The following AGAP1 variants were observed in gnomAD, a reference collection of about 807,000 sequenced individuals.
AGAP1 encodes the protein ArfGAP with GTPase domain, ankyrin repeat and PH domain 1.
AGAP1 carries 29 observed loss-of-function variants against 105.3 expected under a neutral mutation model. The ratio of observed to expected loss-of-function variants is 0.28; its 90% confidence interval spans 0.21 to 0.38. AGAP1 has a LOEUF of 0.38. AGAP1 is among the 10% of genes least tolerant of loss of function. AGAP1 has a pLI of 1.00. For missense variants in AGAP1, 998 were observed against 1,165.1 expected, an observed-to-expected ratio of 0.86 and a Z score of 2.09; for synonymous variants, 509 against 485.9, an observed-to-expected ratio of 1.05 and a Z score of -0.63.
chr2:235,548,886 G>A (rs1231100737), intron 1 of AGAP1, among the ~76,000 whole-genome samples: 2 of 152,184 alleles, frequency 1.3e-5, no homozygotes, highest in Non-Finnish European at 2.9e-5. Flanking sequence ...AACATAAAGG[G>A]TTATTGGAAC....
At chr2:235,886,383 G>C (rs866253488) in intron 10 of AGAP1, among the ~76,000 whole-genome samples, 3 of 152,362 alleles carry the variant, frequency 2.0e-5, no homozygotes, top group Admixed American at 6.5e-5. Context: ...TTCTTGCCAA[G>C]GGGCAGATAT....
Position 235,967,133 on chromosome 2 carries a change from C to T in AGAP1, c.1484-1329C>T, listed in dbSNP as rs1559704792. On this transcript the variant is annotated intron_variant, in intron 12 of 17. Transcript: ENST00000304032. The surrounding 1 kb of genome is among the most constrained non-coding windows in gnomAD (Gnocchi z 4.7). ...CCAGTGCCACCTTCCGCAGGCCTCT[C>T]CCACCCACACCGGCCACCGCCACTC... Among the ~76,000 whole-genome samples the T allele has an allele frequency of 1.3e-5, 2 of 152,102 alleles. No individual in the cohort carries two copies. Among genetic ancestry groups the T allele is most frequent in the Admixed American group, 1.3e-4 (2 of 15,272 alleles).
At chr2:235,624,642 G>T (rs1170722609) in intron 1 of AGAP1, among the ~76,000 whole-genome samples, 1 of 152,136 alleles carries the variant, frequency 6.6e-6, no homozygotes, top group Non-Finnish European at 1.5e-5. Flanking sequence ...GAGGATGGAG[G>T]AGATTCTGAT....
chr2:235,575,401 T>C (rs1346583110), intron 1 of AGAP1, among the ~76,000 whole-genome samples: 1 of 152,200 alleles, frequency 6.6e-6, no homozygotes, highest in Non-Finnish European at 1.5e-5. Context: ...AGAGTTGAAG[T>C]AGGTGATAGT....
intron 6 of AGAP1, among the ~76,000 whole-genome samples, chr2:235,781,084 A>C (rs1956232434): frequency 6.6e-6 from 1 of 152,200 alleles, no homozygotes; most frequent in Non-Finnish European, 1.5e-5. Flanking sequence ...ATTGCCTTAA[A>C]ATTTCCACTG....
chr2:235,670,548 G>A (rs1482248846), intron 1 of AGAP1: 4 of 484,652 alleles, frequency 8.3e-6, no homozygotes, highest in African/African-American at 2.1e-5. Context: ...GCGCCCCTGC[G>A]GCGGAGCCTG....
rs2059590914 is a variant in AGAP1, at chr2:236,109,564, C to T, written c.2115-10628C>T. On this transcript the variant is annotated intron_variant, in intron 16 of 17. Transcript: ENST00000304032. The surrounding 1 kb of genome is among the most constrained non-coding windows in gnomAD (Gnocchi z 5.4). ...GCCTTGGAAATGTCCTAGTCAGCGG[C>T]AGCGTCGGTGCTCTGGACCGGCAGC... Among the ~76,000 whole-genome samples, 1 of 152,156 alleles carries T rather than the reference C, an allele frequency of 6.6e-6. No individual in the cohort carries two copies. Among genetic ancestry groups the T allele is most frequent in the African/African-American group, 2.4e-5 (1 of 41,434 alleles).
rs556989280 is a variant in AGAP1 at position 236,055,544 on chromosome 2, G to A, written c.2114+6263G>A. On this transcript the variant is annotated intron_variant, in intron 16 of 17. Transcript: ENST00000304032. The surrounding 1 kb of genome is among the most constrained non-coding windows in gnomAD (Gnocchi z 6.2). ...CAACTCAAAGTGAATTTCTGTCACCGCGGCGTGCTTGTCAGTGGGCCTGCC... is the reference window on the plus strand; with the variant it reads ...CAACTCAAAGTGAATTTCTGTCACCACGGCGTGCTTGTCAGTGGGCCTGCC... Among the ~76,000 whole-genome samples the A allele has an allele frequency of 2.1e-4, 32 of 152,334 alleles. No homozygotes were observed. Among genetic ancestry groups the A allele is most frequent in the African/African-American group, 6.0e-4 (25 of 41,580 alleles).
At chr2:235,853,134 T>G (rs1188625589) in intron 9 of AGAP1, 1 of 1,180,010 alleles carries the variant, frequency 8.5e-7, no homozygotes, top group Non-Finnish European at 1.0e-6. Flanking sequence ...AAAAAAACAT[T>G]TACTGGCGCT....
intron 1 of AGAP1, among the ~76,000 whole-genome samples, chr2:235,541,887 T>C (rs1317264581): frequency 6.6e-6 from 1 of 152,206 alleles, no homozygotes; most frequent in Non-Finnish European, 1.5e-5. Context: ...GTCATGATAA[T>C]GCACGTCGCT....
At chr2:236,033,630 T>C (rs1283211770) in intron 13 of AGAP1, among the ~76,000 whole-genome samples, 1 of 152,242 alleles carries the variant, frequency 6.6e-6, no homozygotes, top group Non-Finnish European at 1.5e-5. Flanking sequence ...CCTCACCACG[T>C]AGACACGTTT....
chr2:235,870,879 G>A (rs549015670), intron 9 of AGAP1, among the ~76,000 whole-genome samples: 12 of 152,342 alleles, frequency 7.9e-5, no homozygotes, highest in African/African-American at 2.9e-4. Context: ...AGGGCCCAGA[G>A]ACCACTTTTC....
In AGAP1 at chr2:235,974,440, C is replaced by A. The variant is rs571065106; in HGVS notation, c.1645+5817C>A. ...ACTGGATTTACCCAATCTTATTATA[C>A]AAGAGGGTATGCAGAAATCCTGGTG... On this transcript the variant is annotated intron_variant, in intron 13 of 17. Coordinates refer to ENST00000304032, the MANE Select transcript of AGAP1 (RefSeq NM_001037131.3). Among the ~76,000 whole-genome samples the A allele has an allele frequency of 5.9e-5, 9 of 152,346 alleles. No individual in the cohort carries two copies. The South Asian group carries it at 1.9e-3, about 32-fold the overall frequency.
At position 236,083,327 on chromosome 2, in the gene AGAP1, GTCC is replaced by G. The variant is rs1455532156; in HGVS notation, c.2114+34052_2114+34054del. On this transcript the variant is annotated intron_variant, in intron 16 of 17. Transcript: ENST00000304032. This position sits in a 1 kb window ranked among gnomAD's most constrained non-coding sequence, Gnocchi z 5.3. ...GCTCGGTTTGTTGCAAGGAAGCGTC[GTCC>G]TCCTCACGGGCTCTTTACGTTGACA... Among the ~76,000 whole-genome samples the G allele has an allele frequency of 6.6e-6, 1 of 152,134 alleles. No homozygotes were observed. The highest frequency in any genetic ancestry group is 2.4e-5 in the African/African-American group (1 of 41,428).
At chr2:236,013,063 A>G (rs2056572990) in intron 13 of AGAP1, among the ~76,000 whole-genome samples, 1 of 152,234 alleles carries the variant, frequency 6.6e-6, no homozygotes, top group Admixed American at 6.5e-5. Context: ...TTCACACTGC[A>G]AAGGAATTGT....
At chr2:235,632,575 T>C (rs1946863971) in intron 1 of AGAP1, among the ~76,000 whole-genome samples, 1 of 152,214 alleles carries the variant, frequency 6.6e-6, no homozygotes. Flanking sequence ...TAGGGTTTAT[T>C]TTTCCTTTCT....
intron 11 of AGAP1, among the ~76,000 whole-genome samples, chr2:235,924,714 A>G (rs6722180): frequency 0.43 from 66,022 of 152,016 alleles, 15,140 homozygotes; most frequent in African/African-American, 0.56. Flanking sequence ...CACACACAGT[A>G]ACTCATGTTG....
intron 1 of AGAP1, 152 bp from the exon 2 acceptor site, chr2:235,709,027 C>A: frequency 1.3e-6 from 1 of 774,424 alleles, no homozygotes; most frequent in Non-Finnish European, 2.2e-6. Flanking sequence ...TGAACTGGGA[C>A]AAACTGATCT....
In AGAP1 at chr2:235,970,958, G is replaced by T. The variant is rs1447820219; in HGVS notation, c.1645+2335G>T. 6.6e-6 allele frequency among the ~76,000 whole-genome samples: 1 copy of T among 152,178 alleles called. No individual in the cohort carries two copies. The highest frequency in any genetic ancestry group is 2.4e-5 in the African/African-American group (1 of 41,436). ...TTCCTTAAAGGGTCTTACTGCTGAG[G>T]TGGTAACACCAGCAGAAAGATTTCA... is the stretch of plus-strand genomic sequence containing the variant. On this transcript the variant is annotated intron_variant, in intron 13 of 17. Transcript: ENST00000304032. The surrounding 1 kb of genome is among the most constrained non-coding windows in gnomAD (Gnocchi z 5.4).
Sources: allele counts gnomAD v4.1 joint callset (sites outside exome capture counted in the v4.1 genomes callset), GRCh38; gene constraint gnomAD v4.1.1; non-coding constraint Gnocchi (gnomAD v3.1); transcripts MANE v1.5; gene names NCBI Gene and HGNC (gene_info 2026-07-23, HGNC 2026-07-21).